The following TRIO variants were observed in gnomAD, a reference collection of about 807,000 sequenced individuals.
The protein encoded by TRIO is triple functional domain protein.
A neutral mutation model predicts 351.9 loss-of-function variants in TRIO; 58 were observed. The observed-to-expected ratio is 0.16, with a 90% CI of 0.13 to 0.21. The LOEUF is 0.21. TRIO is among the 10% of genes least tolerant of loss of function. The pLI is 1.00. For missense variants in TRIO, 3,201 were observed against 4,027.8 expected (o/e 0.79, Z 5.56); for synonymous variants, 1,758 against 1,595.7 (o/e 1.10, Z -2.42).
In TRIO at chr5:14,390,963, A is replaced by G; in HGVS notation, c.4191A>G (p.Ile1397Met). ...CKNKPDSTQLILEHAGSYFDE... is the reference protein window; with the variant it reads ...CKNKPDSTQLMLEHAGSYFDE... ...ATAAGCCTGATTCTACTCAGCTGAT[A>G]TTGGAACATGCAGGGTCCTATTTTG... is the stretch of plus-strand genomic sequence containing the variant. Residue 1397 changes from isoleucine to methionine, a missense_variant, in exon 27 of 57, where the codon ATA (isoleucine) becomes ATG (methionine). Ile to Met is a conservative substitution (Grantham distance 10, BLOSUM62 1). Transcript: ENST00000344204. 1 of 1,611,342 alleles carries G rather than the reference A, an allele frequency of 6.2e-7. No individual in the cohort carries two copies. The highest frequency in any genetic ancestry group is 1.1e-5 in the South Asian group (1 of 90,116).
At chr5:14,282,577 C>CT (rs1195718315) in intron 3 of TRIO, among the ~76,000 whole-genome samples, 16 of 131,512 alleles carry the variant, frequency 1.2e-4, no homozygotes, top group African/African-American at 3.6e-4. Flanking sequence ...AAAAAAAAAC[C>CT]TTTTTTTTGT....
intron 20 of TRIO, 151 bp downstream of exon 20, chr5:14,378,278 A>G: frequency 1.8e-6 from 1 of 567,662 alleles, no homozygotes; most frequent in South Asian, 2.8e-5. Context: ...TTATAAAAAG[A>G]AAACCCCACA....
rs575991038 is a variant in TRIO, at chr5:14,358,359, C to T, written c.2216+12C>T. ...ATCCAGCAGCTCAGGTGGGCCTCAC[C>T]CCTCTCCTGGTCCGAACAGATTCTG... On this transcript the variant is annotated intron_variant, in intron 12 of 56. Coordinates refer to ENST00000344204, the MANE Select transcript of TRIO (RefSeq NM_007118.4). 2 of 1,613,554 alleles carry T rather than the reference C, an allele frequency of 1.2e-6. No homozygotes were observed. The highest frequency in any genetic ancestry group is 1.7e-5 in the Admixed American group (1 of 60,014).
chr5:14,399,793 C>T (rs1245802138), intron 30 of TRIO, among the ~76,000 whole-genome samples: 2 of 152,094 alleles, frequency 1.3e-5, no homozygotes, highest in East Asian at 1.9e-4. Context: ...CTTAGTGGGC[C>T]GTTTCTCAGA....
intron 1 of TRIO, among the ~76,000 whole-genome samples, chr5:14,159,574 C>CT (rs760216530): frequency 0.024 from 3,455 of 143,346 alleles, 74 homozygotes; most frequent in Admixed American, 0.043. Flanking sequence ...TATTTTTTTT[C>CT]TTTTTTTTTT....
At chr5:14,482,048 T>C (rs150555879) in intron 45 of TRIO, among the ~76,000 whole-genome samples, 407 of 152,296 alleles carry the variant, frequency 2.7e-3, no homozygotes, top group African/African-American at 9.2e-3. Flanking sequence ...CTATTCATAT[T>C]ACATATTAGC....
chr5:14,287,843 A>T (rs1322487925), intron 4 of TRIO, among the ~76,000 whole-genome samples: 1 of 152,230 alleles, frequency 6.6e-6, no homozygotes, highest in Non-Finnish European at 1.5e-5. Context: ...TCCTCTGGCA[A>T]ATCTGCTCAA....
chr5:14,448,657 G>A (rs1388316472), intron 34 of TRIO, among the ~76,000 whole-genome samples: 1 of 152,234 alleles, frequency 6.6e-6, no homozygotes, highest in Non-Finnish European at 1.5e-5. Flanking sequence ...GAGCCATGTG[G>A]ACTGCGCGTT....
chr5:14,455,399 A>C (rs1257049202), intron 34 of TRIO, among the ~76,000 whole-genome samples: 1 of 151,920 alleles, frequency 6.6e-6, no homozygotes, highest in African/African-American at 2.4e-5. Context: ...AAAGTTCTCC[A>C]AGTCCCCACT....
intron 11 of TRIO, among the ~76,000 whole-genome samples, chr5:14,346,968 C>T (rs1742475832): frequency 6.6e-6 from 1 of 152,248 alleles, no homozygotes; most frequent in Non-Finnish European, 1.5e-5. Flanking sequence ...AGTCTGGAGC[C>T]ACAGTTAGAT....
At chr5:14,490,308 C>G (rs912138925) in intron 48 of TRIO, among the ~76,000 whole-genome samples, 1 of 152,194 alleles carries the variant, frequency 6.6e-6, no homozygotes. Flanking sequence ...GCACTTCTGT[C>G]CCCCTGGAGA....
chr5:14,363,662 T>C, intron 13 of TRIO, 70 bp from the exon 14 acceptor site: 1 of 1,443,392 alleles, frequency 6.9e-7, no homozygotes, highest in Non-Finnish European at 9.5e-7. Context: ...CTTCCTTCCT[T>C]ACTTGGTACA....
At chr5:14,422,852 C>T (rs551855641) in intron 34 of TRIO, among the ~76,000 whole-genome samples, 7 of 152,148 alleles carry the variant, frequency 4.6e-5, no homozygotes, top group African/African-American at 7.2e-5. Flanking sequence ...TGGCCAGGTG[C>T]GGTGGCACAC....
At chr5:14,270,590 G>A (rs977041134) in intron 1 of TRIO, among the ~76,000 whole-genome samples, 2 of 152,196 alleles carry the variant, frequency 1.3e-5, no homozygotes, top group African/African-American at 2.4e-5. Flanking sequence ...ATGACTCAGA[G>A]CGAGCCTTTT....
intron 9 of TRIO, among the ~76,000 whole-genome samples, chr5:14,320,147 G>A (rs1739748121): frequency 1.3e-5 from 2 of 152,094 alleles, no homozygotes; most frequent in Admixed American, 6.5e-5. Flanking sequence ...ATTGCCTTAT[G>A]TTTATTATCA....
intron 1 of TRIO, among the ~76,000 whole-genome samples, chr5:14,252,868 A>G (rs912616039): frequency 7.2e-5 from 11 of 152,086 alleles, no homozygotes; most frequent in Non-Finnish European, 1.5e-4. Flanking sequence ...AAGCAGGCAA[A>G]CCATGGGGGA....
chr5:14,370,506 G>A (rs933871032), intron 18 of TRIO, among the ~76,000 whole-genome samples: 4 of 151,944 alleles, frequency 2.6e-5, no homozygotes, highest in Admixed American at 2.0e-4. Flanking sequence ...TTGCTTCAGC[G>A]TTCTCACCTC....
intron 46 of TRIO, 42 bp from the exon 47 acceptor site, chr5:14,485,027 C>T (rs773083812): frequency 6.7e-7 from 1 of 1,491,358 alleles, no homozygotes; most frequent in Non-Finnish European, 9.0e-7. Flanking sequence ...TGCTTCCTTT[C>T]CACCTGTTAG....
At chr5:14,275,651 T>C (rs938902957) in intron 2 of TRIO, among the ~76,000 whole-genome samples, 3 of 151,850 alleles carry the variant, frequency 2.0e-5, no homozygotes, top group African/African-American at 7.3e-5. Flanking sequence ...CCTTCTGTTT[T>C]CATCTTCTTC....
Sources: gnomAD v4.1 joint callset for allele counts (sites outside exome capture counted in the v4.1 genomes callset) on GRCh38, gnomAD v4.1.1 for gene constraint, MANE v1.5 for transcripts, NCBI Gene and HGNC (gene_info 2026-07-23, HGNC 2026-07-21) for gene names.